MOXD1: variants seen among roughly 807,000 people sequenced by gnomAD.
MOXD1 encodes monooxygenase DBH like 1.
A neutral mutation model predicts 66.6 loss-of-function variants in MOXD1; 62 were observed. The observed-to-expected ratio is 0.93, with a 90% confidence interval of 0.76 to 1.15. The LOEUF (loss-of-function observed/expected upper bound fraction) is 1.15. MOXD1 is among the 50% of genes most tolerant of loss of function. MOXD1 has a pLI of 0.00. For missense variants in MOXD1, 847 were observed against 754.6 expected (o/e 1.12, Z -1.44); for synonymous variants, 303 against 281.9 (o/e 1.07, Z -0.75).
chr6:132,396,465 T>TA (rs914874762), intron 1 of MOXD1, among the ~76,000 whole-genome samples: 5 of 150,592 alleles, frequency 3.3e-5, no homozygotes, highest in Non-Finnish European at 5.9e-5. Context: ...ATAATTCACC[T>TA]AAAAAAAACT....
intron 4 of MOXD1, among the ~76,000 whole-genome samples, chr6:132,336,742 G>A (rs1775447619): frequency 6.6e-6 from 1 of 152,142 alleles, no homozygotes; most frequent in South Asian, 2.1e-4. Flanking sequence ...GGAAAGAGAT[G>A]AAGAAAAGGA....
intron 4 of MOXD1, among the ~76,000 whole-genome samples, chr6:132,349,422 CATATATATATATACAT>C (rs1368370318): frequency 0.018 from 664 of 36,856 alleles, 68 homozygotes; most frequent in Non-Finnish European, 0.022. Flanking sequence ...TATATATATA[CATATATATATATACAT>C]ATATATATAT....
At chr6:132,349,755 C>G (rs1775765745) in intron 4 of MOXD1, among the ~76,000 whole-genome samples, 1 of 151,668 alleles carries the variant, frequency 6.6e-6, no homozygotes, top group African/African-American at 2.4e-5. Flanking sequence ...TAGAAGTGTT[C>G]CCTGATCACC....
At chr6:132,304,878 A>C (rs578054843) in intron 10 of MOXD1, among the ~76,000 whole-genome samples, 15 of 152,346 alleles carry the variant, frequency 9.8e-5, no homozygotes, top group African/African-American at 3.1e-4. Context: ...GAGTAACAGG[A>C]GTTCTTACAC....
chr6:132,303,829 GTGTGTGTATATATATATATATA>G lies in MOXD1; in HGVS notation c.1509-5896_1509-5875del, dbSNP rs1562276356. Among the ~76,000 whole-genome samples, 260 of 70,606 alleles carry G rather than the reference GTGTGTGTATATATATATATATA, an allele frequency of 3.7e-3. 2 individuals are homozygous for G. The highest frequency in any genetic ancestry group is 6.8e-3 in the Middle Eastern group (1 of 146). 46.3% of individuals were successfully genotyped at this position (70,606 alleles called of 152,430 possible). ...CACATGTGTGTGTGTGTGTGTGTGT[GTGTGTGTATATATATATATATA>G]TATATATATATATATATATATATAT... is the stretch of plus-strand genomic sequence containing the variant. On this transcript the variant is annotated intron_variant, in intron 10 of 11. Coordinates refer to ENST00000367963, the MANE Select transcript of MOXD1 (RefSeq NM_015529.4).
chr6:132,301,016 CT>C lies in MOXD1; in HGVS notation c.1509-3062del, dbSNP rs200364743. The stretch of plus-strand genomic sequence containing the variant: ...AAAAAGTGAATATTTATCCTGAATA[CT>C]TTTTTTCAAAAAGACTAAGCTTTAA... On this transcript the variant is annotated intron_variant, in intron 10 of 11. Transcript: ENST00000367963. Among the ~76,000 whole-genome samples the C allele has an allele frequency of 1.6e-3, 244 of 152,142 alleles. 3 individuals are homozygous for C. In the East Asian group the frequency reaches 0.04, roughly 25 times the overall value.
intron 1 of MOXD1, among the ~76,000 whole-genome samples, chr6:132,399,579 C>T (rs1582617665): frequency 1.3e-5 from 2 of 152,148 alleles, no homozygotes; most frequent in Non-Finnish European, 2.9e-5. Flanking sequence ...GAATTCTACT[C>T]ACGGCTTTTC....
intron 1 of MOXD1, among the ~76,000 whole-genome samples, chr6:132,398,877 G>T (rs1390887155): frequency 6.8e-6 from 1 of 146,752 alleles, no homozygotes; most frequent in African/African-American, 2.5e-5. Flanking sequence ...AGGTGAGGTT[G>T]CAGTGAGCCG....
intron 10 of MOXD1, among the ~76,000 whole-genome samples, chr6:132,306,946 T>C (rs1185223839): frequency 2.6e-5 from 4 of 152,180 alleles, no homozygotes; most frequent in African/African-American, 7.2e-5. Flanking sequence ...ATGAAGAAAC[T>C]GCATCAACTA....
chr6:132,357,104 T>C (rs1322745084), intron 4 of MOXD1, among the ~76,000 whole-genome samples: 1 of 152,100 alleles, frequency 6.6e-6, no homozygotes, highest in East Asian at 1.9e-4. Context: ...TCAACAGTTG[T>C]GACCTCTTTG....
chr6:132,338,910 T>C (rs1174233388), intron 4 of MOXD1, among the ~76,000 whole-genome samples: 1 of 152,226 alleles, frequency 6.6e-6, no homozygotes, highest in Non-Finnish European at 1.5e-5. Context: ...CTAGTATTAC[T>C]ATCTTAAGTT....
At chr6:132,313,285 T>C (rs932879967) in intron 10 of MOXD1, among the ~76,000 whole-genome samples, 1 of 152,208 alleles carries the variant, frequency 6.6e-6, no homozygotes, top group African/African-American at 2.4e-5. Flanking sequence ...TTGCTCTACC[T>C]GTTGGAATTG....
At chr6:132,305,129 G>A (rs1283590032) in intron 10 of MOXD1, among the ~76,000 whole-genome samples, 1 of 152,208 alleles carries the variant, frequency 6.6e-6, no homozygotes, top group African/African-American at 2.4e-5. Flanking sequence ...CTGGGCGAGG[G>A]AAGGGCAGCA....
intron 2 of MOXD1, among the ~76,000 whole-genome samples, chr6:132,373,489 C>T (rs1181229698): frequency 2.6e-5 from 4 of 152,192 alleles, no homozygotes; most frequent in Admixed American, 2.6e-4. Flanking sequence ...AGCCTAGTCA[C>T]ACGTATACAT....
At chr6:132,375,039 C>T in intron 1 of MOXD1, 5 of 547,442 alleles carry the variant, frequency 9.1e-6, no homozygotes, top group Non-Finnish European at 1.6e-5. Flanking sequence ...CATTTGATAC[C>T]ATTGTGTGCC....
chr6:132,397,923 G>A lies in MOXD1; in HGVS notation c.264+3240C>T, dbSNP rs75493612. Among the ~76,000 whole-genome samples, 1,264 of 152,098 alleles carry A rather than the reference G, an allele frequency of 8.3e-3. 13 individuals carry two copies. Among genetic ancestry groups the A allele is most frequent in the African/African-American group, 0.028 (1,180 of 41,440 alleles). Reference sequence around the variant, plus strand: ...TTTTTTAATTTATATAAATGTATGCGTTACAAGTGCAGATTCTTTACACAC... The same window carrying A: ...TTTTTTAATTTATATAAATGTATGCATTACAAGTGCAGATTCTTTACACAC... On this transcript the variant is annotated intron_variant, in intron 1 of 11. Transcript: ENST00000367963.
chr6:132,386,557 C>G (rs1479534034), intron 1 of MOXD1, among the ~76,000 whole-genome samples: 1 of 151,012 alleles, frequency 6.6e-6, no homozygotes, highest in Non-Finnish European at 1.5e-5. Context: ...GGTGAAAAAG[C>G]AATATAGACA....
intron 1 of MOXD1, chr6:132,392,118 T>A: frequency 7.0e-7 from 1 of 1,437,248 alleles, no homozygotes; most frequent in South Asian, 1.4e-5. Flanking sequence ...AACATTTCTT[T>A]GTCGCCGTTG....
At chr6:132,335,688 T>C (rs139040271) in intron 4 of MOXD1, among the ~76,000 whole-genome samples, 4 of 152,318 alleles carry the variant, frequency 2.6e-5, no homozygotes, top group African/African-American at 9.6e-5. Flanking sequence ...TTTCTGCTGT[T>C]TGAAGCTATC....
Sources: allele counts gnomAD v4.1 joint callset (sites outside exome capture counted in the v4.1 genomes callset), GRCh38; gene constraint gnomAD v4.1.1; transcripts MANE v1.5; gene names NCBI Gene and HGNC (gene_info 2026-07-23, HGNC 2026-07-21).